Variants in CLNK observed in about 807,000 individuals in gnomAD.
The protein encoded by CLNK is cytokine-dependent hematopoietic cell linker.
In CLNK, 74 loss-of-function variants were observed where a neutral mutation model predicts 68.6. That is an observed-to-expected ratio of 1.08 (90% confidence interval 0.89 to 1.31). The LOEUF is 1.31. Ranked by LOEUF, CLNK falls within the 50% of genes most tolerant of loss-of-function variation. The pLI is 0.00. For missense variants in CLNK, 553 were observed against 515.3 expected, an observed-to-expected ratio of 1.07 and a Z score of -0.71; for synonymous variants, 198 against 172.2, an observed-to-expected ratio of 1.15 and a Z score of -1.17.
At chr4:10,600,657 A>G (rs1256896277) in intron 2 of CLNK, among the ~76,000 whole-genome samples, 1 of 152,194 alleles carries the variant, frequency 6.6e-6, no homozygotes, top group African/African-American at 2.4e-5. Context: ...GAATGTTTGT[A>G]AGATAATAAA....
chr4:10,643,492 C>T (rs532755777), intron 2 of CLNK, among the ~76,000 whole-genome samples: 2 of 152,334 alleles, frequency 1.3e-5, no homozygotes, highest in South Asian at 4.1e-4. Flanking sequence ...TTGCCTGCTG[C>T]TTCTATCTCA....
intron 3 of CLNK, among the ~76,000 whole-genome samples, chr4:10,590,985 C>T (rs1577151391): frequency 6.6e-6 from 1 of 152,140 alleles, no homozygotes; most frequent in African/African-American, 2.4e-5. Flanking sequence ...GAGGTTAGCC[C>T]TCTTGGGAGT....
At chr4:10,642,411 T>C (rs1158019315) in intron 2 of CLNK, among the ~76,000 whole-genome samples, 2 of 152,102 alleles carry the variant, frequency 1.3e-5, no homozygotes, top group East Asian at 3.9e-4. Flanking sequence ...GTTCAGAGAA[T>C]AAGGAACATT....
chr4:10,547,414 A>G (rs965455423), intron 8 of CLNK, among the ~76,000 whole-genome samples: 1 of 152,252 alleles, frequency 6.6e-6, no homozygotes, highest in African/African-American at 2.4e-5. Flanking sequence ...CGTCAAGGCC[A>G]TAAACATATC....
chr4:10,492,876 G>C (rs1310093667), intron 18 of CLNK, among the ~76,000 whole-genome samples: 1 of 152,208 alleles, frequency 6.6e-6, no homozygotes, highest in Non-Finnish European at 1.5e-5. Flanking sequence ...TCCCGCCTGA[G>C]CTCATTTGAA....
intron 2 of CLNK, among the ~76,000 whole-genome samples, chr4:10,639,138 G>A (rs1033649867): frequency 3.3e-5 from 5 of 152,172 alleles, no homozygotes; most frequent in Admixed American, 2.6e-4. Flanking sequence ...TTTACCTGGC[G>A]AGTTAGAGAC....
At chr4:10,573,673 T>A (rs1382464026) in intron 4 of CLNK, among the ~76,000 whole-genome samples, 1 of 152,182 alleles carries the variant, frequency 6.6e-6, no homozygotes, top group African/African-American at 2.4e-5. Context: ...AATTCAGGGT[T>A]CAATATAATT....
chr4:10,709,331 T>C, the CLNK span, among the ~76,000 whole-genome samples: 1 of 152,236 alleles, frequency 6.6e-6, no homozygotes, highest in Non-Finnish European at 1.5e-5. Context: ...GTCTGGGCAC[T>C]GTACTCAGAG....
At chr4:10,597,333 C>T (rs778847466) in intron 3 of CLNK, among the ~76,000 whole-genome samples, 19 of 152,146 alleles carry the variant, frequency 1.2e-4, no homozygotes, top group South Asian at 2.1e-4. Flanking sequence ...CAGGTTTAGT[C>T]GGCTGGGCAG....
chr4:10,673,223 C>T (rs1724727083), intron 1 of CLNK, among the ~76,000 whole-genome samples: 1 of 152,032 alleles, frequency 6.6e-6, no homozygotes. Context: ...CGTTCCAGAT[C>T]CTAGGAATTA....
the CLNK span, among the ~76,000 whole-genome samples, chr4:10,703,911 T>C: frequency 6.6e-6 from 1 of 152,230 alleles, no homozygotes; most frequent in Non-Finnish European, 1.5e-5. Flanking sequence ...GACCAAAATG[T>C]CATGTGGTGC....
intron 2 of CLNK, among the ~76,000 whole-genome samples, chr4:10,653,277 T>C (rs4697767): frequency 0.77 from 117,590 of 151,810 alleles, 45,905 homozygotes; most frequent in Non-Finnish European, 0.83. Flanking sequence ...CACCATGGCA[T>C]GTGTATACCT....
intron 1 of CLNK, among the ~76,000 whole-genome samples, chr4:10,671,727 C>T (rs537913060): frequency 6.6e-6 from 1 of 152,284 alleles, no homozygotes; most frequent in Admixed American, 6.5e-5. Context: ...CCCATCTCCC[C>T]ACCTCAGTAA....
At chr4:10,664,789 C>T (rs1577206243) in intron 2 of CLNK, among the ~76,000 whole-genome samples, 1 of 152,316 alleles carries the variant, frequency 6.6e-6, no homozygotes, top group East Asian at 1.9e-4. Context: ...GGACAGGAAA[C>T]CCGAAGGTGG....
the CLNK span, among the ~76,000 whole-genome samples, chr4:10,716,341 G>A: frequency 1.6e-3 from 251 of 152,294 alleles, no homozygotes; most frequent in African/African-American, 5.6e-3. Flanking sequence ...ATTTCTAAAA[G>A]AGAACCATGA....
the CLNK span, among the ~76,000 whole-genome samples, chr4:10,699,222 A>ACACACACATACACACCACGTC: frequency 2.6e-5 from 1 of 39,198 alleles, no homozygotes; most frequent in African/African-American, 8.1e-5. Context: ...CACACCACAT[A>ACACACACATACACACCACGTC]TGTGTGTGTA....
At chr4:10,584,047 C>G (rs1720884640) in intron 4 of CLNK, among the ~76,000 whole-genome samples, 1 of 152,208 alleles carries the variant, frequency 6.6e-6, no homozygotes, top group African/African-American at 2.4e-5. Flanking sequence ...TTGGTATCAT[C>G]TACCTTGAGA....
At chr4:10,624,455 G>T (rs1235961020) in intron 2 of CLNK, among the ~76,000 whole-genome samples, 1 of 152,086 alleles carries the variant, frequency 6.6e-6, no homozygotes, top group East Asian at 1.9e-4. Context: ...ACCACGCCCG[G>T]CTAATTTTTT....
chr4:10,526,461 C>T (rs1478783856), intron 13 of CLNK, among the ~76,000 whole-genome samples: 1 of 152,150 alleles, frequency 6.6e-6, no homozygotes, highest in African/African-American at 2.4e-5. Flanking sequence ...AAATAAAGTA[C>T]TACTTTGGGA....
Sources: allele counts gnomAD v4.1 joint callset (sites outside exome capture counted in the v4.1 genomes callset), GRCh38; gene constraint gnomAD v4.1.1; transcripts MANE v1.5; gene names NCBI Gene and HGNC (gene_info 2026-07-23, HGNC 2026-07-21).